The following TSPAN9 variants were observed in gnomAD, a reference collection of about 807,000 sequenced individuals.
TSPAN9 encodes the protein tetraspanin-9.
TSPAN9 carries 16 observed loss-of-function variants against 31.0 expected under a neutral mutation model. That is an observed-to-expected ratio of 0.52 (90% CI 0.35 to 0.78). The LOEUF (loss-of-function observed/expected upper bound fraction) is 0.78. TSPAN9 is among the 30% of genes least tolerant of loss of function. The pLI is 0.01. For missense variants in TSPAN9, 272 were observed against 312.5 expected, an observed-to-expected ratio of 0.87 and a Z score of 0.98; for synonymous variants, 145 against 121.6, an observed-to-expected ratio of 1.19 and a Z score of -1.27.
At chr12:3,214,073 G>A (rs569446408) in intron 3 of TSPAN9, among the ~76,000 whole-genome samples, 11 of 152,354 alleles carry the variant, frequency 7.2e-5, no homozygotes, top group South Asian at 6.2e-4. Flanking sequence ...CTAACTAGCC[G>A]TGTGATCCTG....
intron 3 of TSPAN9, among the ~76,000 whole-genome samples, chr12:3,267,681 G>A (rs1454551435): frequency 6.6e-6 from 1 of 152,226 alleles, no homozygotes; most frequent in African/African-American, 2.4e-5. Context: ...GCTGGTGGTT[G>A]GAAAATCCTT....
chr12:3,158,151 C>T (rs971194027), intron 2 of TSPAN9, among the ~76,000 whole-genome samples: 5 of 152,196 alleles, frequency 3.3e-5, no homozygotes, highest in Non-Finnish European at 7.3e-5. Flanking sequence ...GGGCTCCCCT[C>T]GGAGCACAGG....
intron 3 of TSPAN9, among the ~76,000 whole-genome samples, chr12:3,213,909 C>A (rs1255389204): frequency 6.6e-6 from 1 of 152,244 alleles, no homozygotes; most frequent in Non-Finnish European, 1.5e-5. Context: ...ATGCATCCTG[C>A]ATTTCCTCCC....
intron 2 of TSPAN9, among the ~76,000 whole-genome samples, chr12:3,108,212 A>G (rs180952687): frequency 2.0e-5 from 3 of 152,344 alleles, no homozygotes; most frequent in East Asian, 1.9e-4. Flanking sequence ...TGATAAATGT[A>G]TCACAGGGAC....
chr12:3,234,899 G>T (rs1011519314), intron 3 of TSPAN9, among the ~76,000 whole-genome samples: 1 of 151,802 alleles, frequency 6.6e-6, no homozygotes, highest in Non-Finnish European at 1.5e-5. Flanking sequence ...GGTGGCTTAC[G>T]CCTGTCATCC....
chr12:3,204,349 C>T lies in TSPAN9; in HGVS notation c.63+3093C>T, dbSNP rs1191727365. Among the ~76,000 whole-genome samples the T allele has an allele frequency of 3.3e-5, 5 of 152,170 alleles. No homozygotes were observed. In the South Asian group the frequency reaches 6.2e-4, roughly 19 times the overall value. ...GTCGTACACTGCAACCCTTCAGAGG[C>T]GTGCATAGGTTCCTCACCACTGGGC... On this transcript the variant is annotated intron_variant, in intron 3 of 8. Transcript: ENST00000011898.
rs569256411 is a variant in TSPAN9, at chr12:3,077,739, C to A, written c.-85+286C>A. ...CTCCAGGGGATGGCTCCGAGGAAGA[C>A]CGTTTCAGAAAGGGAGTAACCCGGG... On this transcript the variant is annotated intron_variant, in intron 1 of 8. Coordinates refer to ENST00000011898, the MANE Select transcript of TSPAN9 (RefSeq NM_006675.5). Among the ~76,000 whole-genome samples, 8 of 152,290 alleles carry A rather than the reference C, an allele frequency of 5.3e-5. No individual in the cohort carries two copies. The East Asian group carries it at 1.5e-3, about 29-fold the overall frequency.
chr12:3,237,558 AC>A (rs2098394453), intron 3 of TSPAN9, among the ~76,000 whole-genome samples: 1 of 151,934 alleles, frequency 6.6e-6, no homozygotes, highest in Non-Finnish European at 1.5e-5. Flanking sequence ...GCCCTGTCCC[AC>A]CCGAGGCAGG....
In TSPAN9 at chr12:3,204,863, C is replaced by T. The variant is rs546858045; in HGVS notation, c.63+3607C>T. Among the ~76,000 whole-genome samples the T allele has an allele frequency of 2.0e-5, 3 of 152,350 alleles. No individual in the cohort carries two copies. In the South Asian group the frequency reaches 6.2e-4, roughly 32 times the overall value. ...CAGTGAAAACCATCTGGGCATTTTCCTCAGTCAGCCCCATCTCTGGGTCCT... is the reference window on the plus strand; with the variant it reads ...CAGTGAAAACCATCTGGGCATTTTCTTCAGTCAGCCCCATCTCTGGGTCCT... On this transcript the variant is annotated intron_variant, in intron 3 of 8. Coordinates refer to ENST00000011898, the MANE Select transcript of TSPAN9 (RefSeq NM_006675.5).
chr12:3,232,295 A>T (rs1186883129), intron 3 of TSPAN9, among the ~76,000 whole-genome samples: 9 of 150,136 alleles, frequency 6.0e-5, no homozygotes, highest in African/African-American at 2.2e-4. Context: ...CTACAGTGAG[A>T]TATGTTTATT....
intron 2 of TSPAN9, among the ~76,000 whole-genome samples, chr12:3,102,552 C>T (rs956768170): frequency 1.3e-5 from 2 of 151,818 alleles, no homozygotes; most frequent in African/African-American, 2.4e-5. Context: ...ATTCTCCTGC[C>T]TCAGCCTCCT....
intron 3 of TSPAN9, among the ~76,000 whole-genome samples, chr12:3,257,616 G>C (rs1348954030): frequency 6.6e-6 from 1 of 152,002 alleles, no homozygotes; most frequent in East Asian, 1.9e-4. Flanking sequence ...TGAAAAGCCA[G>C]GCCTGTCTCC....
In TSPAN9 at chr12:3,170,297, T is replaced by C. The variant is rs147709379; in HGVS notation, c.-17-30880T>C. On this transcript the variant is annotated intron_variant, in intron 2 of 8. Transcript: ENST00000011898. The surrounding 1 kb of genome is among the most constrained non-coding windows in gnomAD (Gnocchi z 4.4). ...GCTCAGTATTTTCCTTCCTTTTCCA[T>C]GGAGACAGATTTTGCAGTTACTCCA... Among the ~76,000 whole-genome samples, 373 of 152,258 alleles carry C rather than the reference T, an allele frequency of 2.4e-3. 2 individuals are homozygous for C. The highest frequency in any genetic ancestry group is 8.6e-3 in the African/African-American group (359 of 41,532).
At chr12:3,232,870 C>T (rs1489563282) in intron 3 of TSPAN9, among the ~76,000 whole-genome samples, 6 of 152,206 alleles carry the variant, frequency 3.9e-5, no homozygotes, top group Admixed American at 6.5e-5. Flanking sequence ...AAGTTTTAGC[C>T]ATAGGAAGTT....
At chr12:3,099,442 C>T (rs2098310789) in intron 2 of TSPAN9, among the ~76,000 whole-genome samples, 1 of 152,172 alleles carries the variant, frequency 6.6e-6, no homozygotes, top group African/African-American at 2.4e-5. Context: ...TTGGAGCGTA[C>T]TTACAATACT....
chr12:3,164,949 G>T lies in TSPAN9; in HGVS notation c.-17-36228G>T, dbSNP rs111412194. Among the ~76,000 whole-genome samples, 456 of 152,272 alleles carry T rather than the reference G, an allele frequency of 3.0e-3. 2 individuals carry two copies. The highest frequency in any genetic ancestry group is 0.011 in the African/African-American group (439 of 41,556). ...GGACATTTCAGAGCCTTGAACGTGC[G>T]GGCTTCTCAGGTCCCTTCAAGCCCT... On this transcript the variant is annotated intron_variant, in intron 2 of 8. Transcript: ENST00000011898.
At chr12:3,248,838 C>T (rs1284698076) in intron 3 of TSPAN9, among the ~76,000 whole-genome samples, 1 of 152,156 alleles carries the variant, frequency 6.6e-6, no homozygotes, top group African/African-American at 2.4e-5. Flanking sequence ...AAACTTGTTT[C>T]AACTTCTTGC....
At chr12:3,225,964 T>C (rs1477505416) in intron 3 of TSPAN9, among the ~76,000 whole-genome samples, 2 of 152,140 alleles carry the variant, frequency 1.3e-5, no homozygotes, top group Non-Finnish European at 2.9e-5. Context: ...GGACCATTTT[T>C]TCTTTCCTTC....
intron 3 of TSPAN9, among the ~76,000 whole-genome samples, chr12:3,227,730 G>A (rs1454365474): frequency 6.6e-6 from 1 of 152,212 alleles, no homozygotes; most frequent in Non-Finnish European, 1.5e-5. Context: ...TCCATGTGAG[G>A]CAGGGGACTT....
Sources: gnomAD v4.1 joint callset for allele counts (sites outside exome capture counted in the v4.1 genomes callset) on GRCh38, gnomAD v4.1.1 for gene constraint, Gnocchi (gnomAD v3.1) non-coding constraint, MANE v1.5 for transcripts, NCBI Gene and HGNC (gene_info 2026-07-23, HGNC 2026-07-21) for gene names.